The following WDR4 variants were observed in gnomAD, a reference collection of about 807,000 sequenced individuals.
WDR4 encodes WDR4 tRNA N7-guanosine methyltransferase non-catalytic subunit.
A neutral mutation model predicts 48.6 loss-of-function variants in WDR4; 47 were observed. That is an observed-to-expected ratio of 0.97 (90% CI 0.77 to 1.23). The LOEUF (loss-of-function observed/expected upper bound fraction) is 1.23, where lower values mean the gene tolerates loss of function less well. Ranked by LOEUF, WDR4 falls within the 50% of genes most tolerant of loss-of-function variation. The pLI is 0.00. For missense variants in WDR4, 606 were observed against 551.6 expected (o/e 1.10, Z -0.99); for synonymous variants, 268 against 230.0 (o/e 1.17, Z -1.49).
the WDR4 span, among the ~76,000 whole-genome samples, chr21:42,885,619 TATAG>T: frequency 1.3e-5 from 2 of 151,620 alleles, no homozygotes; most frequent in South Asian, 2.1e-4. Flanking sequence ...AAAAAAAATA[TATAG>T]ATAGATAGAT....
At chr21:42,866,571 G>A (rs897514291) in intron 3 of WDR4, among the ~76,000 whole-genome samples, 7 of 152,170 alleles carry the variant, frequency 4.6e-5, no homozygotes, top group African/African-American at 1.4e-4. Context: ...GCCTCCAGGT[G>A]TGGGGAGCAG....
At chr21:42,855,391 C>G (rs2057959781) in intron 7 of WDR4, among the ~76,000 whole-genome samples, 1 of 152,236 alleles carries the variant, frequency 6.6e-6, no homozygotes, top group Admixed American at 6.5e-5. Context: ...CCCCACCTGG[C>G]TGGCAGACCC....
intron 6 of WDR4, 81 bp downstream of exon 6, chr21:42,859,581 G>GCCAGCGATCCACAGGGC: frequency 1.4e-6 from 2 of 1,379,530 alleles, no homozygotes; most frequent in Non-Finnish European, 2.0e-6. Context: ...ATCCACAGGG[G>GCCAGCGATCCACAGGGC]CCAGGTCCAG....
intron 3 of WDR4, among the ~76,000 whole-genome samples, chr21:42,865,315 G>A (rs776873041): frequency 1.3e-5 from 2 of 152,192 alleles, no homozygotes; most frequent in African/African-American, 2.4e-5. Flanking sequence ...CTGCACCAGC[G>A]ACACAGCCCC....
Position 42,863,545 on chromosome 21 carries a change from C to T in WDR4, c.348G>A (p.Lys116=), listed in dbSNP as rs770880708. The T allele has an allele frequency of 2.5e-6, 4 of 1,614,046 alleles. No individual in the cohort carries two copies. The highest frequency in any genetic ancestry group is 3.4e-6 in the Non-Finnish European group (4 of 1,180,018). The change falls in exon 4 of 11, where the codon AAG becomes AAA. Residue 116 remains lysine (K), a synonymous_variant. Coordinates refer to ENST00000398208, the MANE Select transcript of WDR4 (RefSeq NM_018669.6). ...CTCCAGACTTGTCGGCCACCAAGACCTTCTCCTCCGAGGCTATGAAAGTCA... is the reference window on the plus strand; with the variant it reads ...CTCCAGACTTGTCGGCCACCAAGACTTTCTCCTCCGAGGCTATGAAAGTCA... ...TALTFIASEE[K]VLVADKSGDV...
At chr21:42,873,803 G>T in intron 2 of WDR4, 112 bp from the exon 3 acceptor site, 3 of 1,277,276 alleles carry the variant, frequency 2.3e-6, no homozygotes, top group South Asian at 1.5e-5. Context: ...ACTGTTAAGG[G>T]GATCACGTAG....
At chr21:42,859,597 G>GGGCCCCCCCC in intron 6 of WDR4, 65 bp downstream of exon 6, 3 of 708,190 alleles carry the variant, frequency 4.2e-6, no homozygotes, top group African/African-American at 1.8e-5. Flanking sequence ...TCCAGGAGGC[G>GGGCCCCCCCC]CCCACCCCAC....
intron 7 of WDR4, 44 bp from the exon 8 acceptor site, chr21:42,854,670 G>A: frequency 6.3e-7 from 1 of 1,592,968 alleles, no homozygotes; most frequent in Non-Finnish European, 8.6e-7. Flanking sequence ...ACCTGCAGGG[G>A]CCCGACGCCG....
intron 3 of WDR4, among the ~76,000 whole-genome samples, chr21:42,873,001 G>C (rs1020679062): frequency 3.3e-5 from 5 of 152,186 alleles, no homozygotes; most frequent in African/African-American, 1.2e-4. Flanking sequence ...CTAAGTAAGA[G>C]GGCAAGGCAT....
intron 7 of WDR4, 138 bp downstream of exon 7, chr21:42,855,544 C>T (rs1251378075): frequency 1.6e-5 from 10 of 633,942 alleles, no homozygotes; most frequent in African/African-American, 3.7e-5. Flanking sequence ...ATTTGAAATA[C>T]GAGATTTCCC....
chr21:42,856,464 G>A (rs974132495), intron 6 of WDR4, among the ~76,000 whole-genome samples: 2 of 151,942 alleles, frequency 1.3e-5, no homozygotes, highest in East Asian at 3.9e-4. Flanking sequence ...CTATTCACAG[G>A]CTTGCTCCTG....
rs572604448 is a variant in WDR4 at position 42,853,828 on chromosome 21, C to T, written c.792-76G>A. 1.0e-4 allele frequency: 151 copies of T among 1,447,580 alleles called. No individual in the cohort carries two copies. In the South Asian group the frequency reaches 1.5e-3, roughly 14 times the overall value. The allele number at this position is 1,447,580 out of a possible 1,614,324, so 89.7% of individuals were successfully genotyped here. On this transcript the variant is annotated intron_variant, in intron 8 of 10. Coordinates refer to ENST00000398208, the MANE Select transcript of WDR4 (RefSeq NM_018669.6). ...TCCGCTCTGCAGCCAGCACCCCAGA[C>T]GGTGCAGCCCTCGCCGGTGCCACCT...
chr21:42,869,018 A>G (rs1046984801), intron 3 of WDR4, among the ~76,000 whole-genome samples: 4 of 152,210 alleles, frequency 2.6e-5, no homozygotes, highest in Non-Finnish European at 5.9e-5. Context: ...GCGGGGGGGA[A>G]CAGGCTATAG....
At position 42,862,595 on chromosome 21, in the gene WDR4, G is replaced by A. The variant is rs1446051281; in HGVS notation, c.454-201C>T. On this transcript the variant is annotated intron_variant, in intron 4 of 10. Transcript: ENST00000398208. The surrounding 1 kb of genome is among the most constrained non-coding windows in gnomAD (Gnocchi z 4.3). ...CATTCTCCCTCCCCAGAGGGTCCCT[G>A]GCCACCTCTAGCCCTCACTCCTCAG... Among the ~76,000 whole-genome samples the A allele has an allele frequency of 6.6e-6, 1 of 152,120 alleles. No homozygotes were observed. The highest frequency in any genetic ancestry group is 1.5e-5 in the Non-Finnish European group (1 of 67,984).
intron 10 of WDR4, 49 bp downstream of exon 10, chr21:42,852,206 G>A (rs1176459983): frequency 6.2e-7 from 1 of 1,600,488 alleles, no homozygotes; most frequent in Non-Finnish European, 8.5e-7. Context: ...TTTCTCTGGG[G>A]ACCGCGCTGG....
chr21:42,876,826 T>C, intron 1 of WDR4, 59 bp from the exon 2 acceptor site: 1 of 1,501,530 alleles, frequency 6.7e-7, no homozygotes, highest in African/African-American at 1.4e-5. Context: ...ATAACAAATT[T>C]TTTTTTTTTG....
rs776654592 is a variant in WDR4 at position 42,863,546 on chromosome 21, T to G, written c.347A>C (p.Lys116Thr). 15 of 1,613,818 alleles carry G rather than the reference T, an allele frequency of 9.3e-6. No homozygotes were observed. In the Admixed American group the frequency reaches 2.5e-4, roughly 27 times the overall value. ...TCCAGACTTGTCGGCCACCAAGACC[T>G]TCTCCTCCGAGGCTATGAAAGTCAG... ...TALTFIASEEKVLVADKSGDV... is the reference protein window; with the variant it reads ...TALTFIASEETVLVADKSGDV... The change falls in exon 4 of 11, where the codon AAG (lysine) becomes ACG (threonine). Residue 116 changes from lysine to threonine, a missense_variant. Lys to Thr is a moderately conservative substitution (Grantham distance 78). Coordinates refer to ENST00000398208, the MANE Select transcript of WDR4 (RefSeq NM_018669.6).
chr21:42,852,268 C>G lies in WDR4; in HGVS notation c.1032G>C (p.Trp344Cys). 6.2e-7 allele frequency: 1 copy of G among 1,614,170 alleles called. No homozygotes were observed. The highest frequency in any genetic ancestry group is 1.1e-5 in the South Asian group (1 of 91,064). The change falls in exon 10 of 11, where the codon TGG (tryptophan) becomes TGC (cysteine). Residue 344 changes from tryptophan (W) to cysteine (C), a missense_variant. Transcript: ENST00000398208. ...KKVSGVLRGN[W>C]AMLEGSAGAD... is the part of the protein sequence containing the mutation. ...CCGTGCTCTCACCTTCCAGCATGGC[C>G]CAGTTCCCACGAAGAACACCAGAGA...
chr21:42,851,781 A>G (rs971200176), intron 10 of WDR4, among the ~76,000 whole-genome samples: 2 of 152,166 alleles, frequency 1.3e-5, no homozygotes, highest in Non-Finnish European at 2.9e-5. Context: ...CTGTCAGGAC[A>G]GTGACCATCC....
Sources: allele counts gnomAD v4.1 joint callset (sites outside exome capture counted in the v4.1 genomes callset), GRCh38; gene constraint gnomAD v4.1.1; non-coding constraint Gnocchi (gnomAD v3.1); transcripts MANE v1.5; gene names NCBI Gene and HGNC (gene_info 2026-07-23, HGNC 2026-07-21).